The following ZDHHC2 variants were observed in gnomAD, a reference collection of about 807,000 sequenced individuals.
ZDHHC2 encodes the protein zDHHC palmitoyltransferase 2.
ZDHHC2 carries 51 observed loss-of-function variants against 55.6 expected under a neutral mutation model. That is an observed-to-expected ratio of 0.92 (90% CI 0.73 to 1.16). ZDHHC2 has a LOEUF of 1.16. Ranked by LOEUF, ZDHHC2 falls within the 50% of genes most tolerant of loss-of-function variation. The probability of loss-of-function intolerance (pLI) is 0.00; values close to 1 mark genes in which losing one functional copy is unlikely to be tolerated. For synonymous variants in ZDHHC2, 199 were observed against 152.9 expected (o/e 1.30, Z -2.22); for missense variants, 491 against 442.4 (o/e 1.11, Z -0.99).
intron 1 of ZDHHC2, among the ~76,000 whole-genome samples, chr8:17,158,481 G>A (rs1804176203): frequency 1.3e-5 from 2 of 152,198 alleles, no homozygotes; most frequent in South Asian, 4.1e-4. Flanking sequence ...GCATTTGAAG[G>A]CAGAGAGAGC....
intron 5 of ZDHHC2, among the ~76,000 whole-genome samples, chr8:17,197,873 T>A (rs889465011): frequency 2.6e-5 from 4 of 152,230 alleles, no homozygotes; most frequent in African/African-American, 7.2e-5. Flanking sequence ...CCCTGAAGTA[T>A]GTGATTTTTA....
intron 1 of ZDHHC2, among the ~76,000 whole-genome samples, chr8:17,160,938 C>T (rs1006106092): frequency 5.3e-5 from 8 of 152,178 alleles, no homozygotes; most frequent in Admixed American, 3.9e-4. Context: ...GAAGCTAGAC[C>T]ACTAGAATCT....
At chr8:17,167,732 T>C (rs1039047148) in intron 1 of ZDHHC2, among the ~76,000 whole-genome samples, 3 of 152,182 alleles carry the variant, frequency 2.0e-5, no homozygotes, top group Non-Finnish European at 4.4e-5. Context: ...ATTTAAAAGA[T>C]AAATTATATG....
chr8:17,180,210 A>G (rs567618203), intron 1 of ZDHHC2, among the ~76,000 whole-genome samples: 1 of 152,316 alleles, frequency 6.6e-6, no homozygotes, highest in East Asian at 1.9e-4. Context: ...AACAGTGCCT[A>G]TCCAAAATAG....
rs138370133 is a variant in ZDHHC2 at position 17,176,637 on chromosome 8, C to G, written c.131-8152C>G. Reference sequence around the variant, plus strand: ...GCTGGAGTCCAGGTCTCCTACCACCCAGTTCACTGCCAGTGCAGAGGATCA... The same window carrying G: ...GCTGGAGTCCAGGTCTCCTACCACCGAGTTCACTGCCAGTGCAGAGGATCA... On this transcript the variant is annotated intron_variant, in intron 1 of 12. Coordinates refer to ENST00000262096, the MANE Select transcript of ZDHHC2 (RefSeq NM_016353.5). Among the ~76,000 whole-genome samples, 547 of 152,238 alleles carry G rather than the reference C, an allele frequency of 3.6e-3. 3 individuals are homozygous for G. The highest frequency in any genetic ancestry group is 0.012 in the African/African-American group (518 of 41,544).
intron 3 of ZDHHC2, among the ~76,000 whole-genome samples, chr8:17,189,889 C>G (rs1379380704): frequency 3.3e-5 from 5 of 152,136 alleles, no homozygotes; most frequent in African/African-American, 7.2e-5. Context: ...GATGGAGCCA[C>G]TGGCTTTGAA....
intron 1 of ZDHHC2, among the ~76,000 whole-genome samples, chr8:17,157,875 C>G (rs753775508): frequency 1.2e-4 from 18 of 152,080 alleles, no homozygotes; most frequent in South Asian, 8.3e-4. Flanking sequence ...TTATATTGAG[C>G]CTTCACAAGC....
At chr8:17,185,080 A>G (rs1251608039) in intron 2 of ZDHHC2, among the ~76,000 whole-genome samples, 1 of 152,190 alleles carries the variant, frequency 6.6e-6, no homozygotes, top group Non-Finnish European at 1.5e-5. Flanking sequence ...TTCCTAATTC[A>G]GATTATGAAC....
intron 1 of ZDHHC2, among the ~76,000 whole-genome samples, chr8:17,162,325 T>C (rs1223292741): frequency 1.3e-5 from 2 of 152,214 alleles, no homozygotes; most frequent in Admixed American, 6.5e-5. Flanking sequence ...AATTGTATAA[T>C]GCAAATAAGT....
chr8:17,213,031 A>T (rs1465186067), intron 10 of ZDHHC2, among the ~76,000 whole-genome samples: 4 of 151,980 alleles, frequency 2.6e-5, no homozygotes, highest in Non-Finnish European at 2.9e-5. Flanking sequence ...CAATCCTCAG[A>T]CACAGATCTT....
At chr8:17,163,204 C>T (rs1804437109) in intron 1 of ZDHHC2, among the ~76,000 whole-genome samples, 1 of 152,176 alleles carries the variant, frequency 6.6e-6, no homozygotes, top group Non-Finnish European at 1.5e-5. Context: ...GAGGAACAGC[C>T]TTTGGAAAGA....
intron 6 of ZDHHC2, among the ~76,000 whole-genome samples, chr8:17,199,140 C>G (rs1806480679): frequency 6.6e-6 from 1 of 152,162 alleles, no homozygotes; most frequent in Admixed American, 6.5e-5. Context: ...GACATGCCCA[C>G]AGGTCCACAG....
At chr8:17,199,379 C>T (rs1023189260) in intron 6 of ZDHHC2, among the ~76,000 whole-genome samples, 2 of 151,928 alleles carry the variant, frequency 1.3e-5, no homozygotes, top group Non-Finnish European at 1.5e-5. Context: ...GATACTTGCA[C>T]TCATTCTTTT....
chr8:17,205,710 T>A lies in ZDHHC2; in HGVS notation c.532T>A (p.Tyr178Asn), dbSNP rs760021678. ...TAAGTTCTTTCTCCTTTTCTTGGCT[T>A]ATTCTCTGCTCTACTGCCTTTTTAT... The part of the protein sequence containing the change: ...NYKFFLLFLA[Y>N]SLLYCLFIAA... Residue 178 changes from tyrosine (Y) to asparagine (N), a missense_variant, in exon 7 of 13, where the codon TAT becomes AAT. Coordinates refer to ENST00000262096, the MANE Select transcript of ZDHHC2 (RefSeq NM_016353.5). 3 of 1,610,898 alleles carry A rather than the reference T, an allele frequency of 1.9e-6. No individual in the cohort carries two copies. In the Admixed American group the frequency reaches 5.1e-5, roughly 27 times the overall value.
At chr8:17,169,241 T>C (rs1804742037) in intron 1 of ZDHHC2, among the ~76,000 whole-genome samples, 1 of 151,912 alleles carries the variant, frequency 6.6e-6, no homozygotes, top group South Asian at 2.1e-4. Flanking sequence ...AATTTTTTTT[T>C]TTTTTTTTTT....
In ZDHHC2 at chr8:17,174,705, CTTTTT is replaced by C. The variant is rs546670520; in HGVS notation, c.131-10065_131-10061del. Among the ~76,000 whole-genome samples, 18 of 61,942 alleles carry C rather than the reference CTTTTT, an allele frequency of 2.9e-4. 1 individual carries two copies. In the Admixed American group the frequency reaches 3.1e-3, roughly 11 times the overall value. The allele number at this position is 61,942 out of a possible 152,430, so 40.6% of individuals were successfully genotyped here. A position where few individuals can be genotyped will look rare whatever the true frequency, so the allele number is the denominator to read the frequency against. On this transcript the variant is annotated intron_variant, in intron 1 of 12. Coordinates refer to ENST00000262096, the MANE Select transcript of ZDHHC2 (RefSeq NM_016353.5). ...TTTTTGTGTTTGATATTGTGTTATT[CTTTTT>C]TTTTTTTTTTTTTTTTTTGAGACAT... is the stretch of plus-strand genomic sequence containing the variant.
In ZDHHC2 at chr8:17,207,948, C is replaced by G. The variant is rs759353693; in HGVS notation, c.598-12C>G. 5 of 1,486,514 alleles carry G rather than the reference C, an allele frequency of 3.4e-6. No homozygotes were observed. Among genetic ancestry groups the G allele is most frequent in the Non-Finnish European group, 4.5e-6 (5 of 1,112,936 alleles). 92.1% of individuals were successfully genotyped at this position (1,486,514 alleles called of 1,614,324 possible). A position where few individuals can be genotyped will look rare whatever the true frequency, so the allele number is the denominator to read the frequency against. On this transcript the variant is annotated splice_polypyrimidine_tract_variant and intron_variant, in intron 7 of 12. Coordinates refer to ENST00000262096, the MANE Select transcript of ZDHHC2 (RefSeq NM_016353.5). ...TTTGACAAAACATGTTATTTTCTTC[C>G]TTTCTTTATAGAATGGCCTACCTGA...
At chr8:17,216,594 G>A (rs1399650251) in intron 11 of ZDHHC2, among the ~76,000 whole-genome samples, 1 of 152,212 alleles carries the variant, frequency 6.6e-6, no homozygotes, top group South Asian at 2.1e-4. Flanking sequence ...TTGTTGAGAC[G>A]TGGAAAAACA....
In ZDHHC2 at chr8:17,223,436, A is replaced by G. The variant is rs1350731406; in HGVS notation, c.*3215A>G. Reference sequence around the variant, plus strand: ...ATTTTTCACAAATAACACGTGTTTAATATCTTTCTGCAGAAACGTGTTCTT... The same window carrying G: ...ATTTTTCACAAATAACACGTGTTTAGTATCTTTCTGCAGAAACGTGTTCTT... On this transcript the variant is annotated 3_prime_UTR_variant, in exon 13 of 13. Transcript: ENST00000262096. The G allele has an allele frequency of 2.6e-5, 4 of 151,904 alleles. No individual in the cohort carries two copies. The highest frequency in any genetic ancestry group is 7.2e-5 in the African/African-American group (3 of 41,440). 9.4% of individuals were successfully genotyped at this position (151,904 alleles called of 1,614,324 possible).
Sources: allele counts gnomAD v4.1 joint callset (sites outside exome capture counted in the v4.1 genomes callset), GRCh38; gene constraint gnomAD v4.1.1; transcripts MANE v1.5; gene names NCBI Gene and HGNC (gene_info 2026-07-23, HGNC 2026-07-21).